The following STPG2 variants were observed in gnomAD, a reference collection of about 807,000 sequenced individuals.
STPG2 encodes the protein sperm tail PG-rich repeat containing 2, also known as sperm-tail PG-rich repeat-containing protein 2.
STPG2 carries 56 observed loss-of-function variants against 54.2 expected under a neutral mutation model. The observed-to-expected ratio is 1.03, with a 90% CI of 0.83 to 1.29. STPG2 has a LOEUF of 1.29. STPG2 is among the 50% of genes most tolerant of loss of function. The pLI is 0.00. For missense variants in STPG2, 596 were observed against 544.9 expected (o/e 1.09, Z -0.93); for synonymous variants, 200 against 181.8 (o/e 1.10, Z -0.81).
chr4:97,870,538 T>A lies in STPG2; in HGVS notation c.1045-29606A>T, dbSNP rs1462546115. Reference sequence around the variant, plus strand: ...TAATAAAAAGTCTGTGATCATAATATTATAAAAATTACAATTCAATCCAAA... The same window carrying A: ...TAATAAAAAGTCTGTGATCATAATAATATAAAAATTACAATTCAATCCAAA... On this transcript the variant is annotated intron_variant, in intron 8 of 10. Transcript: ENST00000295268. Among the ~76,000 whole-genome samples, 4 of 151,346 alleles carry A rather than the reference T, an allele frequency of 2.6e-5. No homozygotes were observed. In the Admixed American group the frequency reaches 2.6e-4, roughly 10 times the overall value.
In STPG2 at chr4:97,943,901, T is replaced by C. The variant is rs1451663652; in HGVS notation, c.1040A>G (p.Asp347Gly). The C allele has an allele frequency of 1.3e-6, 2 of 1,565,812 alleles. No homozygotes were observed. The highest frequency in any genetic ancestry group is 2.3e-5 in the East Asian group (1 of 43,292). The change falls in exon 8 of 11, where the codon GAT becomes GGT. Residue 347 changes from aspartate (D) to glycine (G), a missense_variant. Transcript: ENST00000295268. Reference sequence around the variant, plus strand: ...TGATTGTAGGAGTATTCTTACCATATCTGGTACTTTCATAGTTCTTTTGGC... The same window carrying C: ...TGATTGTAGGAGTATTCTTACCATACCTGGTACTTTCATAGTTCTTTTGGC... ...SRAKRTMKVPDMVIPAPGSYD... is the reference protein window; with the variant it reads ...SRAKRTMKVPGMVIPAPGSYD...
At chr4:97,926,417 C>A (rs1470725700) in intron 8 of STPG2, among the ~76,000 whole-genome samples, 1 of 152,124 alleles carries the variant, frequency 6.6e-6, no homozygotes, top group Non-Finnish European at 1.5e-5. Context: ...TTTTACCAGA[C>A]TTCCCCTATC....
In STPG2 at chr4:98,025,504, T is replaced by C. The variant is rs1578793534; in HGVS notation, c.613-44186A>G. On this transcript the variant is annotated intron_variant, in intron 5 of 10. Transcript: ENST00000295268. ...CTTGGAAACACTTAGTGATACAGGA[T>C]AAAAATAAATATAAAACACCCAAAT... 3 of 608,124 alleles carry C rather than the reference T, an allele frequency of 4.9e-6. No homozygotes were observed. In the East Asian group the frequency reaches 1.0e-4, roughly 21 times the overall value. 37.7% of individuals were successfully genotyped at this position (608,124 alleles called of 1,614,324 possible).
intron 9 of STPG2, among the ~76,000 whole-genome samples, chr4:97,779,671 C>T (rs891920517): frequency 2.6e-5 from 4 of 152,158 alleles, no homozygotes; most frequent in Non-Finnish European, 5.9e-5. Context: ...ATATTAAGGG[C>T]AGCCAGAGAG....
At chr4:97,464,791 A>C (rs2148810890) in intron 4 of STPG2, among the ~76,000 whole-genome samples, 1 of 152,332 alleles carries the variant, frequency 6.6e-6, no homozygotes, top group Admixed American at 6.5e-5. Flanking sequence ...GAATATTTGC[A>C]AGAAATCTAA....
intron 9 of STPG2, among the ~76,000 whole-genome samples, chr4:97,777,057 T>C (rs1357926719): frequency 6.6e-6 from 1 of 152,190 alleles, no homozygotes. Context: ...TTAAGTACTA[T>C]ACAAATATAT....
intron 4 of STPG2, among the ~76,000 whole-genome samples, chr4:97,442,295 C>T (rs1729107841): frequency 6.6e-6 from 1 of 151,678 alleles, no homozygotes; most frequent in Non-Finnish European, 1.5e-5. Context: ...TATTATCTAG[C>T]TTGTTCTTTC....
At chr4:97,949,685 T>C (rs1319465650) in intron 7 of STPG2, among the ~76,000 whole-genome samples, 3 of 152,194 alleles carry the variant, frequency 2.0e-5, no homozygotes, top group Non-Finnish European at 4.4e-5. Flanking sequence ...ATGGTTATCC[T>C]ATTTAAAGAG....
At chr4:97,888,002 C>T (rs1730640714) in intron 8 of STPG2, among the ~76,000 whole-genome samples, 1 of 152,222 alleles carries the variant, frequency 6.6e-6, no homozygotes, top group African/African-American at 2.4e-5. Context: ...TTAGCAGCTT[C>T]CACATGGTAT....
intron 9 of STPG2, among the ~76,000 whole-genome samples, chr4:97,740,844 C>G (rs1006900905): frequency 1.3e-5 from 2 of 152,094 alleles, no homozygotes; most frequent in African/African-American, 4.8e-5. Flanking sequence ...ACTTTCTTCA[C>G]AGAATTGGAA....
chr4:97,981,915 C>T (rs1396864174), intron 5 of STPG2, among the ~76,000 whole-genome samples: 2 of 146,984 alleles, frequency 1.4e-5, no homozygotes, highest in Admixed American at 1.4e-4. Context: ...GACGGAGTCT[C>T]GCTCTGTTGC....
At chr4:97,450,554 G>T (rs191895839) in intron 4 of STPG2, among the ~76,000 whole-genome samples, 83 of 152,288 alleles carry the variant, frequency 5.5e-4, no homozygotes, top group African/African-American at 2.0e-3. Flanking sequence ...AGTAAAGATA[G>T]GACTTAATCA....
At chr4:97,895,544 T>C (rs1277291898) in intron 8 of STPG2, among the ~76,000 whole-genome samples, 1 of 151,770 alleles carries the variant, frequency 6.6e-6, no homozygotes, top group African/African-American at 2.4e-5. Context: ...ATGATTCCCT[T>C]TTTTTTCCAA....
Position 98,111,000 on chromosome 4 carries a change from G to C in STPG2, c.388-1695C>G, listed in dbSNP as rs368379979. Among the ~76,000 whole-genome samples the C allele has an allele frequency of 1.5e-4, 23 of 152,198 alleles. 1 individual carries two copies. In the East Asian group the frequency reaches 3.3e-3, roughly 22 times the overall value. On this transcript the variant is annotated intron_variant, in intron 3 of 10. Coordinates refer to ENST00000295268, the MANE Select transcript of STPG2 (RefSeq NM_174952.3). ...AAAGAAGTATATCAAATAGACACAA[G>C]TAAGTGCTAGAAACTTCACATGCCA...
intron 2 of STPG2, among the ~76,000 whole-genome samples, chr4:98,132,085 T>C (rs1457122389): frequency 6.6e-6 from 1 of 152,060 alleles, no homozygotes; most frequent in African/African-American, 2.4e-5. Context: ...TTTTAACTTA[T>C]ATTATTTATA....
chr4:98,081,711 G>A (rs1738348997), intron 5 of STPG2, among the ~76,000 whole-genome samples: 1 of 152,162 alleles, frequency 6.6e-6, no homozygotes, highest in Admixed American at 6.5e-5. Flanking sequence ...AAGATTCTCT[G>A]TCTTAAAAGT....
At chr4:98,029,517 C>A (rs1736529938) in intron 5 of STPG2, among the ~76,000 whole-genome samples, 1 of 152,138 alleles carries the variant, frequency 6.6e-6, no homozygotes, top group African/African-American at 2.4e-5. Flanking sequence ...TTGATGCTTG[C>A]ACAATATATC....
intron 9 of STPG2, among the ~76,000 whole-genome samples, chr4:97,833,107 A>G (rs7695072): frequency 1.9e-3 from 294 of 152,330 alleles, no homozygotes; most frequent in African/African-American, 7.0e-3. Context: ...CTGACTTCAA[A>G]CTATACTACA....
chr4:97,496,330 TC>T (rs1182102560), intron 4 of STPG2, among the ~76,000 whole-genome samples: 1 of 151,666 alleles, frequency 6.6e-6, no homozygotes, highest in Non-Finnish European at 1.5e-5. Context: ...GTCCTTTGTA[TC>T]CCTAGGCAGA....
Sources: gnomAD v4.1 joint callset for allele counts (sites outside exome capture counted in the v4.1 genomes callset) on GRCh38, gnomAD v4.1.1 for gene constraint, MANE v1.5 for transcripts, NCBI Gene and HGNC (gene_info 2026-07-23, HGNC 2026-07-21) for gene names.